GRID2: variants seen among roughly 807,000 people sequenced by gnomAD.
The protein encoded by GRID2 is glutamate receptor ionotropic, delta-2.
A neutral mutation model predicts 114.8 loss-of-function variants in GRID2; 33 were observed. That is an observed-to-expected ratio of 0.29 (90% CI 0.22 to 0.38). The LOEUF is 0.38. GRID2 is among the 10% of genes least tolerant of loss of function. The pLI is 1.00. For synonymous variants in GRID2, 505 were observed against 449.9 expected, an observed-to-expected ratio of 1.12 and a Z score of -1.55; for missense variants, 1,184 against 1,257.7, an observed-to-expected ratio of 0.94 and a Z score of 0.89.
chr4:92,699,912 TTTG>T (rs1436138717), intron 2 of GRID2, among the ~76,000 whole-genome samples: 1 of 152,300 alleles, frequency 6.6e-6, no homozygotes, highest in Non-Finnish European at 1.5e-5. Context: ...CACACATGAT[TTTG>T]TTAAGTATAC....
chr4:93,397,518 T>G (rs907336873), intron 9 of GRID2, among the ~76,000 whole-genome samples: 1 of 151,934 alleles, frequency 6.6e-6, no homozygotes, highest in Non-Finnish European at 1.5e-5. Context: ...TCAGTCAGTT[T>G]TAAGCAAATA....
intron 1 of GRID2, among the ~76,000 whole-genome samples, chr4:92,399,210 G>A (rs534167332): frequency 3.7e-4 from 56 of 152,262 alleles, no homozygotes; most frequent in African/African-American, 1.0e-3. Context: ...ACAGGCCACC[G>A]TTTTATAATA....
chr4:93,367,476 A>G (rs745413352), intron 8 of GRID2, among the ~76,000 whole-genome samples: 12 of 152,326 alleles, frequency 7.9e-5, no homozygotes, highest in Non-Finnish European at 1.8e-4. Context: ...ATGTTTAAAA[A>G]TGAAACATTA....
At chr4:93,038,862 T>C (rs994136239) in intron 2 of GRID2, among the ~76,000 whole-genome samples, 1 of 151,538 alleles carries the variant, frequency 6.6e-6, no homozygotes, top group Non-Finnish European at 1.5e-5. Flanking sequence ...GCTTTCACAC[T>C]CTTGGTGGGA....
At chr4:92,522,850 C>G (rs1332578461) in intron 1 of GRID2, among the ~76,000 whole-genome samples, 1 of 151,864 alleles carries the variant, frequency 6.6e-6, no homozygotes, top group Non-Finnish European at 1.5e-5. Context: ...ATGATGTTTA[C>G]TAAAAAATCA....
intron 8 of GRID2, among the ~76,000 whole-genome samples, chr4:93,296,809 T>C (rs1754357321): frequency 6.6e-6 from 1 of 152,214 alleles, no homozygotes; most frequent in Non-Finnish European, 1.5e-5. Flanking sequence ...TGTTTTTACC[T>C]TTGTCTACAA....
chr4:92,537,990 C>G (rs1222341813), intron 1 of GRID2, among the ~76,000 whole-genome samples: 1 of 152,056 alleles, frequency 6.6e-6, no homozygotes, highest in African/African-American at 2.4e-5. Flanking sequence ...TGCCATTTCC[C>G]TATTTCTTCT....
chr4:92,381,769 G>A (rs1729631730), intron 1 of GRID2, among the ~76,000 whole-genome samples: 1 of 151,866 alleles, frequency 6.6e-6, no homozygotes, highest in Non-Finnish European at 1.5e-5. Context: ...CTGAACTCTG[G>A]TTCATTTGTC....
rs943416960 is a variant in GRID2, at chr4:92,648,825, T to A, written c.244+58539T>A. On this transcript the variant is annotated intron_variant, in intron 2 of 15. Transcript: ENST00000282020. ...TCAGTTCACATTTATTCCATATTAA[T>A]AAATGATGATTCATGATGCAAAGAT... is the stretch of plus-strand genomic sequence containing the variant. Among the ~76,000 whole-genome samples, 18 of 148,144 alleles carry A rather than the reference T, an allele frequency of 1.2e-4. 3 individuals are homozygous for A. The highest frequency in any genetic ancestry group is 4.6e-4 in the African/African-American group (18 of 39,106).
chr4:92,376,622 A>G (rs1729368598), intron 1 of GRID2, among the ~76,000 whole-genome samples: 1 of 151,568 alleles, frequency 6.6e-6, no homozygotes, highest in Non-Finnish European at 1.5e-5. Flanking sequence ...TCCCTTCCAC[A>G]CTGCCCTAGC....
At chr4:93,020,465 C>T (rs1306642638) in intron 2 of GRID2, among the ~76,000 whole-genome samples, 2 of 152,102 alleles carry the variant, frequency 1.3e-5, no homozygotes, top group African/African-American at 4.8e-5. Flanking sequence ...ACATATGCCA[C>T]TGTGGCAAAA....
chr4:93,490,800 A>C, intron 12 of GRID2, 23 bp downstream of exon 12: 1 of 1,561,488 alleles, frequency 6.4e-7, no homozygotes, highest in Non-Finnish European at 8.8e-7. Flanking sequence ...TGTTTCCATT[A>C]GCCACAAAAT....
At chr4:93,434,536 A>T (rs541424439) in intron 10 of GRID2, among the ~76,000 whole-genome samples, 1 of 152,136 alleles carries the variant, frequency 6.6e-6, no homozygotes, top group Non-Finnish European at 1.5e-5. Context: ...TTTCAGCCAC[A>T]GCAGCAGAAA....
chr4:92,360,457 GA>G (rs1388510751), intron 1 of GRID2, among the ~76,000 whole-genome samples: 2 of 151,832 alleles, frequency 1.3e-5, no homozygotes, highest in Non-Finnish European at 2.9e-5. Context: ...AACCATTACT[GA>G]GTGCCATATG....
chr4:92,718,296 GA>G (rs1431519347), intron 2 of GRID2, among the ~76,000 whole-genome samples: 1 of 152,008 alleles, frequency 6.6e-6, no homozygotes, highest in African/African-American at 2.4e-5. Flanking sequence ...AAAAATATTG[GA>G]AAATTTGAAG....
intron 8 of GRID2, among the ~76,000 whole-genome samples, chr4:93,334,547 G>T (rs1354520703): frequency 2.6e-5 from 4 of 152,176 alleles, no homozygotes; most frequent in African/African-American, 9.7e-5. Flanking sequence ...TACAAGAAAA[G>T]GATCTGGTGG....
At chr4:93,395,184 T>C (rs1056663715) in intron 8 of GRID2, among the ~76,000 whole-genome samples, 3 of 152,092 alleles carry the variant, frequency 2.0e-5, no homozygotes, top group Admixed American at 6.6e-5. Flanking sequence ...AAATAGTGTC[T>C]TTTTTCCCAG....
intron 1 of GRID2, among the ~76,000 whole-genome samples, chr4:92,391,973 A>G (rs1370634858): frequency 6.6e-6 from 1 of 152,152 alleles, no homozygotes. Flanking sequence ...GACGTGACAG[A>G]TCTCTGATGG....
chr4:92,816,510 T>C (rs2149383020), intron 2 of GRID2, among the ~76,000 whole-genome samples: 1 of 152,092 alleles, frequency 6.6e-6, no homozygotes, highest in East Asian at 1.9e-4. Context: ...CCAGGCAAAA[T>C]AAATGTCAGA....
Sources: allele counts gnomAD v4.1 joint callset (sites outside exome capture counted in the v4.1 genomes callset), GRCh38; gene constraint gnomAD v4.1.1; transcripts MANE v1.5; gene names NCBI Gene and HGNC (gene_info 2026-07-23, HGNC 2026-07-21).